The following KANK2 variants were observed in gnomAD, a reference collection of about 807,000 sequenced individuals.
KANK2 encodes KN motif and ankyrin repeat domain-containing protein 2.
KANK2 carries 41 observed loss-of-function variants against 74.6 expected under a neutral mutation model. The observed-to-expected ratio is 0.55, with a 90% CI of 0.43 to 0.71. The LOEUF (loss-of-function observed/expected upper bound fraction) is 0.71. Among genes scored for constraint, KANK2 ranks in the 30% least tolerant of loss-of-function variants. The pLI, the probability that KANK2 is intolerant of heterozygous loss-of-function variation, is 0.00. For synonymous variants in KANK2, 537 were observed against 519.0 expected, an observed-to-expected ratio of 1.03 and a Z score of -0.47; for missense variants, 1,148 against 1,196.4, an observed-to-expected ratio of 0.96 and a Z score of 0.60.
chr19:11,188,302 C>G (rs575971486), intron 4 of KANK2, among the ~76,000 whole-genome samples: 2 of 151,956 alleles, frequency 1.3e-5, no homozygotes, highest in Admixed American at 6.6e-5. Context: ...TCCGCCTCCC[C>G]GGTTCAAGCG....
At chr19:11,175,242 C>A (rs964205814) in intron 8 of KANK2, among the ~76,000 whole-genome samples, 1 of 151,712 alleles carries the variant, frequency 6.6e-6, no homozygotes, top group East Asian at 2.0e-4. Flanking sequence ...TCCTGCCCAA[C>A]ATGGTGAAAC....
chr19:11,193,865 G>A lies in KANK2; in HGVS notation c.215C>T (p.Ser72Leu), dbSNP rs2078936618. ...CCAGGAGCCAGGGCCACGGGGCAGC[G>A]AGCTCAGGCGGGGGCGGCGCTGCAC... ...VAVQRRPRLS[S>L]LPRGPGSWWT... The change falls in exon 4 of 13, where the codon TCG becomes TTG. Residue 72 changes from serine to leucine, a missense_variant. Transcript: ENST00000586659. This position sits in a 1 kb window ranked among gnomAD's most constrained non-coding sequence, Gnocchi z 9.6. The A allele has an allele frequency of 9.9e-6, 16 of 1,613,008 alleles. No individual in the cohort carries two copies. The highest frequency in any genetic ancestry group is 4.5e-5 in the East Asian group (2 of 44,882).
chr19:11,170,042 A>T lies in KANK2; in HGVS notation c.2412+6T>A. On this transcript the variant is annotated splice_donor_region_variant and intron_variant, in intron 11 of 12. Transcript: ENST00000586659. This position sits in a 1 kb window ranked among gnomAD's most constrained non-coding sequence, Gnocchi z 5.2. ...CTCCCCGGGGTGCACCTGGTTGGAGACTCACGCGATCTGTGAGTGAGATGT... is the reference window on the plus strand; with the variant it reads ...CTCCCCGGGGTGCACCTGGTTGGAGTCTCACGCGATCTGTGAGTGAGATGT... 3.1e-6 allele frequency: 5 copies of T among 1,612,572 alleles called. No individual in the cohort carries two copies. Among genetic ancestry groups the T allele is most frequent in the Non-Finnish European group, 4.2e-6 (5 of 1,178,820 alleles).
intron 4 of KANK2, among the ~76,000 whole-genome samples, chr19:11,188,249 C>T (rs946156643): frequency 1.3e-5 from 2 of 151,682 alleles, no homozygotes; most frequent in African/African-American, 2.4e-5. Flanking sequence ...CACTCTGTCG[C>T]CCAGGCTGGA....
intron 4 of KANK2, among the ~76,000 whole-genome samples, chr19:11,181,055 C>G (rs1287676545): frequency 7.6e-6 from 1 of 131,632 alleles, no homozygotes; most frequent in Non-Finnish European, 1.5e-5. Context: ...CCACTGCACT[C>G]CAGCCTGGGG....
chr19:11,193,713 G>T lies in KANK2; in HGVS notation c.367C>A (p.Arg123=), dbSNP rs766779587. 1.2e-6 allele frequency: 2 copies of T among 1,611,974 alleles called. No homozygotes were observed. The highest frequency in any genetic ancestry group is 1.3e-5 in the African/African-American group (1 of 74,898). Reference sequence around the variant, plus strand: ...GCATCCAGCAGCGTGCGCTCCACCCGCGGATTGAAGCCACCGCGGGTCTCC... The same window carrying T: ...GCATCCAGCAGCGTGCGCTCCACCCTCGGATTGAAGCCACCGCGGGTCTCC... ...ALETRGGFNP[R]VERTLLDARR... is the part of the protein sequence containing the mutation. The change falls in exon 4 of 13, where the codon CGG becomes AGG. Residue 123 remains arginine (R), a synonymous_variant. Transcript: ENST00000586659. The surrounding 1 kb of genome is among the most constrained non-coding windows in gnomAD (Gnocchi z 9.6).
In KANK2 at chr19:11,170,221, C is replaced by T. The variant is rs772193375; in HGVS notation, c.2239G>A (p.Val747Ile). 23 of 1,610,332 alleles carry T rather than the reference C, an allele frequency of 1.4e-5. No individual in the cohort carries two copies. Among genetic ancestry groups the T allele is most frequent in the East Asian group, 2.2e-5 (1 of 44,888 alleles). ...QAGQTALMLA[V>I]SHGRVDVVKA... ...ACAACGTCCACCCGCCCGTGGCTGA[C>T]GGCCAGCATCAGGGCCGTCTGTCCT... Residue 747 changes from valine (V) to isoleucine (I), a missense_variant, in exon 11 of 13, where the codon GTC (valine) becomes ATC (isoleucine). Transcript: ENST00000586659. The surrounding 1 kb of genome is among the most constrained non-coding windows in gnomAD (Gnocchi z 5.2).
rs746668600 is a variant in KANK2, at chr19:11,176,787, T to C, written c.1551A>G (p.Thr517=). 2 of 1,559,528 alleles carry C rather than the reference T, an allele frequency of 1.3e-6. No homozygotes were observed. Among genetic ancestry groups the C allele is most frequent in the Non-Finnish European group, 1.7e-6 (2 of 1,149,860 alleles). Residue 517 remains threonine, a synonymous_variant, in exon 7 of 13, where the codon ACA becomes ACG. Transcript: ENST00000586659. The part of the protein sequence containing the change: ...GYESSSEDSS[T]AENISDNDST... ...TGTCGTTGTCTGAGATGTTCTCTGC[T>C]GTGCTGGAGTCCTCGGATGACGACT...
chr19:11,185,278 G>A (rs1274675767), intron 4 of KANK2, among the ~76,000 whole-genome samples: 1 of 146,994 alleles, frequency 6.8e-6, no homozygotes, highest in African/African-American at 2.5e-5. Context: ...CAAAATTCCT[G>A]GGCTCAAGGA....
chr19:11,174,644 G>GGCAGGCCAGGCGCAGCCACTCCTGCA lies in KANK2; in HGVS notation c.1871_1896dup (p.Arg633CysfsTer90). On this transcript the variant is annotated frameshift_variant, in exon 9 of 13. Coordinates refer to ENST00000586659, the MANE Select transcript of KANK2 (RefSeq NM_001136191.3). LOFTEE classifies it high-confidence loss of function. ...ACCAGCTCGGGGTGTGCGTCGCTGC[G>GGCAGGCCAGGCGCAGCCACTCCTGCA]GCAGGCCAGGCGCAGCCACTCCTGC... The GGCAGGCCAGGCGCAGCCACTCCTGCA allele has an allele frequency of 6.2e-7, 1 of 1,610,002 alleles. No individual in the cohort carries two copies. Among genetic ancestry groups the GGCAGGCCAGGCGCAGCCACTCCTGCA allele is most frequent in the Non-Finnish European group, 8.5e-7 (1 of 1,178,972 alleles).
At chr19:11,183,817 A>AT (rs530497252) in intron 4 of KANK2, among the ~76,000 whole-genome samples, 4 of 151,784 alleles carry the variant, frequency 2.6e-5, no homozygotes, top group Non-Finnish European at 4.4e-5. Flanking sequence ...TGCCCAGCTA[A>AT]TTTTTTTGTA....
At chr19:11,191,318 C>T (rs1278686963) in intron 4 of KANK2, among the ~76,000 whole-genome samples, 4 of 152,222 alleles carry the variant, frequency 2.6e-5, no homozygotes, top group African/African-American at 9.6e-5. Flanking sequence ...GGATTACAGG[C>T]GTGAGCCACT....
chr19:11,183,302 CGGT>C (rs2078582174), intron 4 of KANK2, among the ~76,000 whole-genome samples: 1 of 152,150 alleles, frequency 6.6e-6, no homozygotes, highest in Non-Finnish European at 1.5e-5. Context: ...CAGTGGGAGA[CGGT>C]GGATTCTGTG....
chr19:11,188,311 C>T (rs564479616), intron 4 of KANK2, among the ~76,000 whole-genome samples: 5 of 151,968 alleles, frequency 3.3e-5, no homozygotes, highest in African/African-American at 9.6e-5. Context: ...CCGGTTCAAG[C>T]GATTCTCCTG....
intron 4 of KANK2, among the ~76,000 whole-genome samples, chr19:11,185,299 C>T (rs1197842405): frequency 6.7e-6 from 1 of 148,460 alleles, no homozygotes; most frequent in Non-Finnish European, 1.5e-5. Context: ...ATCCTCCTGC[C>T]TCAGCCTCCC....
chr19:11,191,506 G>A (rs924984751), intron 4 of KANK2, among the ~76,000 whole-genome samples: 3 of 152,194 alleles, frequency 2.0e-5, no homozygotes, highest in African/African-American at 7.2e-5. Context: ...CTTGGGTGGG[G>A]CTCCCCTACC....
intron 2 of KANK2, 26 bp downstream of exon 2, chr19:11,195,583 CTGCTGGGCATGAA>C (rs2078994347): frequency 6.6e-6 from 1 of 152,594 alleles, no homozygotes; most frequent in Admixed American, 6.5e-5. Flanking sequence ...GGTAGGGCAC[CTGCTGGGCATGAA>C]GGCAGGGCTG....
At chr19:11,184,834 G>T (rs1356443665) in intron 4 of KANK2, among the ~76,000 whole-genome samples, 1 of 145,210 alleles carries the variant, frequency 6.9e-6, no homozygotes, top group Non-Finnish European at 1.5e-5. Flanking sequence ...TTTTTGAGAT[G>T]AAGTCTCGCT....
At chr19:11,169,493 G>A (rs1398483957) in intron 12 of KANK2, among the ~76,000 whole-genome samples, 3 of 151,960 alleles carry the variant, frequency 2.0e-5, no homozygotes, top group Non-Finnish European at 4.4e-5. Context: ...TGGTGACAGA[G>A]TAAGACCCAG....
Sources: allele counts gnomAD v4.1 joint callset (sites outside exome capture counted in the v4.1 genomes callset), GRCh38; gene constraint gnomAD v4.1.1; non-coding constraint Gnocchi (gnomAD v3.1); transcripts MANE v1.5; gene names NCBI Gene and HGNC (gene_info 2026-07-23, HGNC 2026-07-21).